The following BABAM2 variants were observed in gnomAD, a reference collection of about 807,000 sequenced individuals.
BABAM2 encodes BRISC and BRCA1-A complex member 2.
A neutral mutation model predicts 54.7 loss-of-function variants in BABAM2; 31 were observed. The ratio of observed to expected loss-of-function variants is 0.57; its 90% CI spans 0.43 to 0.77. The LOEUF (loss-of-function observed/expected upper bound fraction) is 0.77, where lower values mean the gene tolerates loss of function less well. Among genes scored for constraint, BABAM2 ranks in the 30% least tolerant of loss-of-function variants. The pLI is 0.00. For synonymous variants in BABAM2, 167 were observed against 162.9 expected, an observed-to-expected ratio of 1.03 and a Z score of -0.19; for missense variants, 364 against 455.8, an observed-to-expected ratio of 0.80 and a Z score of 1.83.
intron 3 of BABAM2, among the ~76,000 whole-genome samples, chr2:27,976,286 C>T (rs985609232): frequency 2.6e-5 from 4 of 152,098 alleles, no homozygotes; most frequent in African/African-American, 9.7e-5. Context: ...ATAATCATCA[C>T]AAACTGGAAA....
intron 2 of BABAM2, among the ~76,000 whole-genome samples, chr2:27,920,236 T>C (rs1240682497): frequency 6.6e-6 from 1 of 152,196 alleles, no homozygotes; most frequent in Non-Finnish European, 1.5e-5. Context: ...AGACTTGACC[T>C]TGTGGATTTG....
intron 4 of BABAM2, among the ~76,000 whole-genome samples, chr2:28,012,421 G>A (rs1291949255): frequency 6.6e-6 from 1 of 152,128 alleles, no homozygotes; most frequent in African/African-American, 2.4e-5. Context: ...TAATGTTTAG[G>A]ATTCATAAGT....
At chr2:28,226,561 C>T (rs941251100) in intron 7 of BABAM2, among the ~76,000 whole-genome samples, 3 of 152,018 alleles carry the variant, frequency 2.0e-5, no homozygotes, top group Admixed American at 6.6e-5. Flanking sequence ...TGAGTGAATA[C>T]GTGTAGAATG....
chr2:28,149,306 C>G (rs1236423616), intron 7 of BABAM2, among the ~76,000 whole-genome samples: 1 of 152,158 alleles, frequency 6.6e-6, no homozygotes, highest in African/African-American at 2.4e-5. Context: ...TTCCTTGGAA[C>G]CTTCACCTGG....
rs1171568802 is a variant in BABAM2 at position 28,212,452 on chromosome 2, T to C, written c.681-24750T>C. 2.0e-5 allele frequency among the ~76,000 whole-genome samples: 3 copies of C among 152,238 alleles called. 1 individual carries two copies. The highest frequency in any genetic ancestry group is 7.2e-5 in the African/African-American group (3 of 41,466). On this transcript the variant is annotated intron_variant, in intron 7 of 11. Transcript: ENST00000379624. Reference sequence around the variant, plus strand: ...AAGAGATGTAGTGAAGTCTCTCTTTTACCCTCTCCCTCATCAGACCAAGTC... The same window carrying C: ...AAGAGATGTAGTGAAGTCTCTCTTTCACCCTCTCCCTCATCAGACCAAGTC...
At chr2:28,103,725 T>G (rs1667276999) in intron 6 of BABAM2, among the ~76,000 whole-genome samples, 3 of 152,222 alleles carry the variant, frequency 2.0e-5, no homozygotes, top group African/African-American at 7.2e-5. Flanking sequence ...GTCCCATTGT[T>G]TCTCCAGAGA....
At chr2:28,133,903 C>T (rs796729072) in intron 7 of BABAM2, among the ~76,000 whole-genome samples, 13 of 152,288 alleles carry the variant, frequency 8.5e-5, no homozygotes, top group African/African-American at 2.6e-4. Context: ...CTTCTGAAGT[C>T]TGTTTGCCCA....
chr2:28,062,486 C>A (rs1678962218), intron 6 of BABAM2, among the ~76,000 whole-genome samples: 1 of 151,122 alleles, frequency 6.6e-6, no homozygotes, highest in African/African-American at 2.4e-5. Flanking sequence ...TCACTTGAAC[C>A]CGGGAGGTGG....
chr2:27,967,494 A>G (rs1390325272), intron 3 of BABAM2, among the ~76,000 whole-genome samples: 1 of 152,152 alleles, frequency 6.6e-6, no homozygotes, highest in Admixed American at 6.5e-5. Context: ...GGTCTCAGGT[A>G]TGTCTTTATC....
At chr2:28,182,608 T>C (rs1272292404) in intron 7 of BABAM2, among the ~76,000 whole-genome samples, 1 of 152,202 alleles carries the variant, frequency 6.6e-6, no homozygotes, top group East Asian at 1.9e-4. Context: ...AGTGTCTGTA[T>C]GTCATTCAGG....
chr2:28,191,967 A>G (rs946931222), intron 7 of BABAM2, among the ~76,000 whole-genome samples: 2 of 152,256 alleles, frequency 1.3e-5, no homozygotes, highest in African/African-American at 4.8e-5. Context: ...GCATGATGAC[A>G]GAAATCGAAG....
Position 28,241,361 on chromosome 2 carries a change from G to A in BABAM2, c.819G>A (p.Glu273=). 2 of 1,614,186 alleles carry A rather than the reference G, an allele frequency of 1.2e-6. No individual in the cohort carries two copies. Among genetic ancestry groups the A allele is most frequent in the Non-Finnish European group, 1.7e-6 (2 of 1,180,010 alleles). ...YVIQGYHKRR[E]YIAAFLSHFG... ...TTCAAGGGTATCACAAAAGAAGAGA[G>A]TATATTGCTGCTTTTCTCAGTCACT... Residue 273 remains glutamate (E), a synonymous_variant, in exon 9 of 12, where the codon GAG becomes GAA. Transcript: ENST00000379624.
At chr2:28,282,633 A>T (rs1333862210) in intron 10 of BABAM2, among the ~76,000 whole-genome samples, 15 of 152,210 alleles carry the variant, frequency 9.9e-5, no homozygotes, top group Admixed American at 9.8e-4. Flanking sequence ...AGGGGGAATC[A>T]TATGGCAGAA....
intron 3 of BABAM2, among the ~76,000 whole-genome samples, chr2:27,933,625 C>T (rs558737608): frequency 1.3e-4 from 20 of 152,058 alleles, no homozygotes; most frequent in African/African-American, 3.6e-4. Context: ...CCCACCACCA[C>T]GCCCGGATAA....
rs142603427 is a variant in BABAM2, at chr2:28,159,211, T to A, written c.680+29831T>A. 2.9e-3 allele frequency among the ~76,000 whole-genome samples: 442 copies of A among 152,336 alleles called. 3 individuals carry two copies. The highest frequency in any genetic ancestry group is 1.0e-2 in the African/African-American group (415 of 41,574). ...CATGTCAGACAGTCTACTGACACTT[T>A]TTAAGTCAGGATGGGAGGTTATGGA... is the stretch of plus-strand genomic sequence containing the variant. On this transcript the variant is annotated intron_variant, in intron 7 of 11. Coordinates refer to ENST00000379624, the MANE Select transcript of BABAM2 (RefSeq NM_199191.3).
At chr2:28,089,224 G>A (rs969124029) in intron 6 of BABAM2, among the ~76,000 whole-genome samples, 2 of 152,136 alleles carry the variant, frequency 1.3e-5, no homozygotes, top group Admixed American at 1.3e-4. Flanking sequence ...TGGGATGGCT[G>A]TGATCAAACC....
chr2:27,970,028 G>T (rs1306251148), intron 3 of BABAM2, among the ~76,000 whole-genome samples: 1 of 152,032 alleles, frequency 6.6e-6, no homozygotes. Flanking sequence ...CTCTGCTTTT[G>T]CTCATGATGT....
At chr2:28,254,728 A>ATTTT (rs759661036) in intron 10 of BABAM2, among the ~76,000 whole-genome samples, 6 of 122,398 alleles carry the variant, frequency 4.9e-5, no homozygotes, top group Admixed American at 9.6e-5. Context: ...TTTTTTTTCA[A>ATTTT]TTTTTTTTTT....
chr2:28,272,040 G>T (rs186227535), intron 10 of BABAM2, among the ~76,000 whole-genome samples: 5 of 152,288 alleles, frequency 3.3e-5, no homozygotes, highest in African/African-American at 1.2e-4. Flanking sequence ...TATGTTGGCT[G>T]GTAGAGAATT....
Sources: allele counts gnomAD v4.1 joint callset (sites outside exome capture counted in the v4.1 genomes callset), GRCh38; gene constraint gnomAD v4.1.1; transcripts MANE v1.5; gene names NCBI Gene and HGNC (gene_info 2026-07-23, HGNC 2026-07-21).